The following WWP2 variants were observed in gnomAD, a reference collection of about 807,000 sequenced individuals.
WWP2 encodes WW domain containing E3 ubiquitin protein ligase 2, also known as NEDD4-like E3 ubiquitin-protein ligase WWP2.
A neutral mutation model predicts 121.0 loss-of-function variants in WWP2; 57 were observed. The observed-to-expected ratio is 0.47, with a 90% CI of 0.38 to 0.59. The LOEUF is 0.59. Ranked by LOEUF, WWP2 falls within the 20% of genes least tolerant of loss-of-function variation. WWP2 has a pLI of 0.00. For missense variants in WWP2, 962 were observed against 1,158.9 expected, an observed-to-expected ratio of 0.83 and a Z score of 2.47; for synonymous variants, 449 against 441.3, an observed-to-expected ratio of 1.02 and a Z score of -0.22.
chr16:69,933,269 A>C, intron 16 of WWP2: 1 of 386,196 alleles, frequency 2.6e-6, no homozygotes, highest in Non-Finnish European at 5.3e-6. Flanking sequence ...TTGCTGGTTT[A>C]GCTCAAGCCC....
At position 69,935,134 on chromosome 16, in the gene WWP2, G is replaced by A. The variant is rs747490989; in HGVS notation, c.1843-719G>A. Among the ~76,000 whole-genome samples, 3 of 152,326 alleles carry A rather than the reference G, an allele frequency of 2.0e-5. No individual in the cohort carries two copies. Among genetic ancestry groups the A allele is most frequent in the African/African-American group, 7.2e-5 (3 of 41,570 alleles). ...AGCCCGTGGGAGGCACAGCGCGGGA[G>A]CCACATGCATAGCTGGAGATGTTTC... On this transcript the variant is annotated intron_variant, in intron 17 of 23. Coordinates refer to ENST00000359154, the MANE Select transcript of WWP2 (RefSeq NM_001270454.2). The surrounding 1 kb of genome is among the most constrained non-coding windows in gnomAD (Gnocchi z 5.2).
intron 1 of WWP2, among the ~76,000 whole-genome samples, chr16:69,785,339 T>C (rs1362802565): frequency 6.6e-6 from 1 of 152,152 alleles, no homozygotes; most frequent in Non-Finnish European, 1.5e-5. Flanking sequence ...GTTAGACTTT[T>C]GGAATGCTTT....
rs967060284 is a variant in WWP2 at position 69,937,817 on chromosome 16, G to C, written c.2343+165G>C. Among the ~76,000 whole-genome samples the C allele has an allele frequency of 6.6e-6, 1 of 152,228 alleles. No homozygotes were observed. The highest frequency in any genetic ancestry group is 2.4e-5 in the African/African-American group (1 of 41,468). Reference sequence around the variant, plus strand: ...ACCAGCCTTGGGATGAACGGGGACAGTTCCAGCTGAGTGGTGGCCAGTGGA... The same window carrying C: ...ACCAGCCTTGGGATGAACGGGGACACTTCCAGCTGAGTGGTGGCCAGTGGA... On this transcript the variant is annotated intron_variant, in intron 21 of 23. Coordinates refer to ENST00000359154, the MANE Select transcript of WWP2 (RefSeq NM_001270454.2). The surrounding 1 kb of genome is among the most constrained non-coding windows in gnomAD (Gnocchi z 6.6).
intron 11 of WWP2, among the ~76,000 whole-genome samples, chr16:69,927,382 T>C (rs1401591270): frequency 6.6e-6 from 1 of 152,224 alleles, no homozygotes; most frequent in Non-Finnish European, 1.5e-5. Context: ...GCTGTGGGAC[T>C]CAGGACACCT....
intron 6 of WWP2, among the ~76,000 whole-genome samples, chr16:69,863,061 TC>T (rs1324840874): frequency 6.6e-6 from 1 of 152,132 alleles, no homozygotes; most frequent in South Asian, 2.1e-4. Context: ...GAGAGATATG[TC>T]CCTAGTCTTT....
intron 4 of WWP2, among the ~76,000 whole-genome samples, chr16:69,836,539 G>A (rs192059398): frequency 6.6e-6 from 1 of 152,080 alleles, no homozygotes; most frequent in Admixed American, 6.5e-5. Context: ...AACAGAGGAG[G>A]GTTATGTTCT....
At chr16:69,908,678 T>C in intron 8 of WWP2, 83 bp from the exon 9 acceptor site, 2 of 1,571,668 alleles carry the variant, frequency 1.3e-6, no homozygotes, top group South Asian at 2.3e-5. Flanking sequence ...ATTAGCCACA[T>C]GAGTGATGAA....
At chr16:69,916,601 G>T (rs1336175313) in intron 9 of WWP2, among the ~76,000 whole-genome samples, 1 of 152,142 alleles carries the variant, frequency 6.6e-6, no homozygotes, top group Non-Finnish European at 1.5e-5. Flanking sequence ...CAGGGAGACT[G>T]AAAAAGCAGC....
intron 7 of WWP2, among the ~76,000 whole-genome samples, chr16:69,879,486 G>A (rs531008239): frequency 2.0e-5 from 3 of 151,760 alleles, no homozygotes; most frequent in East Asian, 1.9e-4. Context: ...GTGTCCTTTT[G>A]TGTCTGGCTT....
intron 1 of WWP2, among the ~76,000 whole-genome samples, chr16:69,769,063 A>T (rs757781400): frequency 1.8e-4 from 27 of 152,314 alleles, no homozygotes; most frequent in Non-Finnish European, 3.5e-4. Context: ...TCACGCCTGT[A>T]ATCCCAGCAC....
intron 7 of WWP2, 54 bp from the exon 8 acceptor site, chr16:69,887,985 A>C: frequency 6.3e-7 from 1 of 1,595,428 alleles, no homozygotes; most frequent in Non-Finnish European, 8.6e-7. Flanking sequence ...TAGCAAGTAT[A>C]AATAAAATTC....
intron 6 of WWP2, among the ~76,000 whole-genome samples, chr16:69,851,975 A>G (rs1168642477): frequency 7.0e-6 from 1 of 143,748 alleles, no homozygotes; most frequent in Admixed American, 7.1e-5. Context: ...GAGCAGCGAG[A>G]TTCCAGCTAA....
At chr16:69,899,330 T>G (rs1279428581) in intron 8 of WWP2, among the ~76,000 whole-genome samples, 1 of 152,094 alleles carries the variant, frequency 6.6e-6, no homozygotes, top group Non-Finnish European at 1.5e-5. Context: ...GACAGCATAG[T>G]GAGATACCCA....
At chr16:69,876,260 A>T (rs2057733457) in intron 7 of WWP2, among the ~76,000 whole-genome samples, 1 of 151,534 alleles carries the variant, frequency 6.6e-6, no homozygotes, top group African/African-American at 2.4e-5. Flanking sequence ...GAGGTTTTTA[A>T]TGGGTTTTGG....
intron 1 of WWP2, among the ~76,000 whole-genome samples, chr16:69,780,571 C>T (rs1040362645): frequency 3.9e-5 from 6 of 152,160 alleles, no homozygotes; most frequent in South Asian, 2.1e-4. Flanking sequence ...ATCTAATGTG[C>T]GCTGCCTCCA....
chr16:69,906,428 C>T (rs2058295016), intron 8 of WWP2, among the ~76,000 whole-genome samples: 1 of 152,160 alleles, frequency 6.6e-6, no homozygotes, highest in Non-Finnish European at 1.5e-5. Context: ...GTCCACTAAC[C>T]AGACATCCCA....
chr16:69,870,944 A>G (rs1175144121), intron 6 of WWP2, among the ~76,000 whole-genome samples: 1 of 152,086 alleles, frequency 6.6e-6, no homozygotes. Flanking sequence ...TGATTTCTGC[A>G]TTGCTTCTCA....
chr16:69,908,722 C>T, intron 8 of WWP2, 39 bp from the exon 9 acceptor site: 3 of 1,613,104 alleles, frequency 1.9e-6, no homozygotes, highest in South Asian at 2.2e-5. Flanking sequence ...TATGCCTTTC[C>T]ACTGTGTGTC....
chr16:69,857,865 G>T (rs762649177), intron 6 of WWP2, among the ~76,000 whole-genome samples: 5 of 151,792 alleles, frequency 3.3e-5, no homozygotes, highest in Non-Finnish European at 7.4e-5. Flanking sequence ...GTGTCTTCCT[G>T]TGTTGCCTAG....
Sources: gnomAD v4.1 joint callset for allele counts (sites outside exome capture counted in the v4.1 genomes callset) on GRCh38, gnomAD v4.1.1 for gene constraint, Gnocchi (gnomAD v3.1) non-coding constraint, MANE v1.5 for transcripts, NCBI Gene and HGNC (gene_info 2026-07-23, HGNC 2026-07-21) for gene names.